The following NOL4 variants were observed in gnomAD, a reference collection of about 807,000 sequenced individuals.
The protein encoded by NOL4 is nucleolar protein 4, also known as cancer/testis antigen 125.
A neutral mutation model predicts 75.9 loss-of-function variants in NOL4; 17 were observed. That is an observed-to-expected ratio of 0.22 (90% CI 0.15 to 0.34). The LOEUF (loss-of-function observed/expected upper bound fraction) is 0.34. Among genes scored for constraint, NOL4 ranks in the 10% least tolerant of loss-of-function variants. The pLI, the probability that NOL4 is intolerant of heterozygous loss-of-function variation, is 1.00. For synonymous variants in NOL4, 292 were observed against 289.9 expected, an observed-to-expected ratio of 1.01 and a Z score of -0.07; for missense variants, 614 against 793.5, an observed-to-expected ratio of 0.77 and a Z score of 2.72.
chr18:34,090,663 G>C (rs1052940747), intron 5 of NOL4, among the ~76,000 whole-genome samples: 3 of 151,792 alleles, frequency 2.0e-5, no homozygotes, highest in African/African-American at 7.3e-5. Context: ...GAAAAAAAAA[G>C]GGGGGGAGGC....
chr18:33,907,103 C>CATG (rs992100166), intron 9 of NOL4, among the ~76,000 whole-genome samples: 3 of 152,014 alleles, frequency 2.0e-5, no homozygotes, highest in African/African-American at 7.2e-5. Flanking sequence ...GCAGGTGGAT[C>CATG]ATGAGGTCAG....
chr18:34,221,476 A>G (rs1367392930), intron 1 of NOL4: 1 of 152,156 alleles, frequency 6.6e-6, no homozygotes, highest in Non-Finnish European at 1.5e-5. Context: ...AATCATGCCA[A>G]TCTAGTCCTC....
At chr18:33,952,919 C>T (rs942334744) in intron 8 of NOL4, among the ~76,000 whole-genome samples, 3 of 151,950 alleles carry the variant, frequency 2.0e-5, no homozygotes, top group African/African-American at 2.4e-5. Flanking sequence ...AGTGAAACTC[C>T]GTCTCAAAAA....
At chr18:34,131,347 A>G (rs1443943242) in intron 1 of NOL4, among the ~76,000 whole-genome samples, 1 of 152,134 alleles carries the variant, frequency 6.6e-6, no homozygotes, top group Non-Finnish European at 1.5e-5. Flanking sequence ...CCTTGTGAGT[A>G]GTGGTGGCTG....
chr18:33,968,438 C>T (rs1218416236), intron 6 of NOL4, among the ~76,000 whole-genome samples: 2 of 152,122 alleles, frequency 1.3e-5, no homozygotes, highest in African/African-American at 4.8e-5. Context: ...ACATCATGGA[C>T]TACTACATAA....
intron 1 of NOL4, among the ~76,000 whole-genome samples, chr18:34,219,183 C>T (rs1184337069): frequency 6.6e-6 from 1 of 152,080 alleles, no homozygotes; most frequent in Admixed American, 6.5e-5. Context: ...CATTTAAGAC[C>T]TGTATTGGAA....
chr18:33,971,637 G>C (rs1014288296), intron 6 of NOL4, among the ~76,000 whole-genome samples: 1 of 152,154 alleles, frequency 6.6e-6, no homozygotes, highest in Admixed American at 6.5e-5. Flanking sequence ...TACAGTTCTA[G>C]GGGTAATTAC....
At chr18:33,900,643 A>G (rs2065691829) in intron 9 of NOL4, among the ~76,000 whole-genome samples, 1 of 152,198 alleles carries the variant, frequency 6.6e-6, no homozygotes, top group African/African-American at 2.4e-5. Flanking sequence ...GTTTTTAAAA[A>G]AATTAAACTG....
At chr18:34,194,502 A>C (rs1168843661) in intron 1 of NOL4, among the ~76,000 whole-genome samples, 1 of 151,854 alleles carries the variant, frequency 6.6e-6, no homozygotes, top group Non-Finnish European at 1.5e-5. Flanking sequence ...GAAAAGAATG[A>C]AGAAAAGCAG....
chr18:33,996,562 C>A (rs1274846585), intron 6 of NOL4, among the ~76,000 whole-genome samples: 1 of 151,828 alleles, frequency 6.6e-6, no homozygotes, highest in Non-Finnish European at 1.5e-5. Flanking sequence ...AGCACTTCAA[C>A]ACTTTCCCTC....
chr18:34,026,766 C>A (rs1012961200), intron 5 of NOL4, among the ~76,000 whole-genome samples: 2 of 152,120 alleles, frequency 1.3e-5, no homozygotes, highest in African/African-American at 4.8e-5. Context: ...CTGTTTCTCT[C>A]TCTTGCATTG....
At chr18:34,061,412 T>A (rs146120388) in intron 5 of NOL4, among the ~76,000 whole-genome samples, 2 of 152,312 alleles carry the variant, frequency 1.3e-5, no homozygotes, top group African/African-American at 4.8e-5. Context: ...TCTATTATAA[T>A]ACTCATTACT....
chr18:33,898,108 TCCCTA>T (rs2065525432), intron 9 of NOL4, among the ~76,000 whole-genome samples: 1 of 152,104 alleles, frequency 6.6e-6, no homozygotes, highest in Non-Finnish European at 1.5e-5. Context: ...AGACAAGGCC[TCCCTA>T]TGTTGGCCAG....
At chr18:34,135,807 A>G (rs1258915889) in intron 1 of NOL4, among the ~76,000 whole-genome samples, 2 of 151,908 alleles carry the variant, frequency 1.3e-5, no homozygotes, top group African/African-American at 2.4e-5. Flanking sequence ...TTTTAAAGCA[A>G]TAGGTGACAA....
intron 5 of NOL4, among the ~76,000 whole-genome samples, chr18:34,024,194 A>AATATATATATATAT (rs1555696185): frequency 4.2e-5 from 3 of 70,694 alleles, no homozygotes; most frequent in Admixed American, 4.0e-4. Context: ...AAAAAAAAAA[A>AATATATATATATAT]ATATATATAT....
chr18:33,984,227 A>C (rs974359053), intron 6 of NOL4, among the ~76,000 whole-genome samples: 3 of 152,170 alleles, frequency 2.0e-5, no homozygotes, highest in Admixed American at 6.6e-5. Flanking sequence ...TTATGAAGAA[A>C]TAGAATGCAG....
chr18:33,890,367 A>G (rs1395323007), intron 9 of NOL4, among the ~76,000 whole-genome samples: 1 of 152,156 alleles, frequency 6.6e-6, no homozygotes, highest in East Asian at 1.9e-4. Context: ...ACTCAACGAA[A>G]TAAAAGAGGA....
chr18:34,013,667 A>G (rs1429031442), intron 6 of NOL4, among the ~76,000 whole-genome samples: 1 of 151,942 alleles, frequency 6.6e-6, no homozygotes, highest in Non-Finnish European at 1.5e-5. Flanking sequence ...TATTTAACCA[A>G]TGAGAATTAA....
At chr18:34,074,789 T>C (rs1004156277) in intron 5 of NOL4, among the ~76,000 whole-genome samples, 18 of 152,128 alleles carry the variant, frequency 1.2e-4, no homozygotes, top group African/African-American at 4.3e-4. Context: ...ATTTCTGTTA[T>C]TGTTCCAATA....
Sources: gnomAD v4.1 joint callset for allele counts (sites outside exome capture counted in the v4.1 genomes callset) on GRCh38, gnomAD v4.1.1 for gene constraint, MANE v1.5 for transcripts, NCBI Gene and HGNC (gene_info 2026-07-23, HGNC 2026-07-21) for gene names.